The following AHR variants were observed in gnomAD, a reference collection of about 807,000 sequenced individuals.
The protein encoded by AHR is aryl hydrocarbon receptor, also known as AH-receptor.
Under a neutral mutation model 86.8 loss-of-function variants are expected in AHR, and 40 were observed. The ratio of observed to expected loss-of-function variants is 0.46; its 90% confidence interval spans 0.36 to 0.60. The LOEUF (loss-of-function observed/expected upper bound fraction) is 0.60. AHR is among the 20% of genes least tolerant of loss of function. AHR has a pLI of 0.00. For synonymous variants in AHR, 398 were observed against 354.9 expected (o/e 1.12, Z -1.37); for missense variants, 1,001 against 1,011.6 (o/e 0.99, Z 0.14).
At chr7:17,335,857 A>C in intron 9 of AHR, 71 bp downstream of exon 9, 1 of 1,469,146 alleles carries the variant, frequency 6.8e-7, no homozygotes, top group Non-Finnish European at 9.3e-7. Context: ...AAGCATAAAA[A>C]TAATTCAAGC....
At chr7:17,308,365 G>C (rs1782026801) in intron 1 of AHR, among the ~76,000 whole-genome samples, 1 of 152,050 alleles carries the variant, frequency 6.6e-6, no homozygotes, top group Non-Finnish European at 1.5e-5. Context: ...TTTTCAAGCA[G>C]TTGCTGCTTC....
chr7:17,339,576 A>G lies in AHR; in HGVS notation c.1751A>G (p.Tyr584Cys). Reference sequence around the variant, plus strand: ...GACTTAACGGATGAAATCCTGACGTATGTCCAAGATTCTTTAAGTAAGTCT... The same window carrying G: ...GACTTAACGGATGAAATCCTGACGTGTGTCCAAGATTCTTTAAGTAAGTCT... ...DIDLTDEILTYVQDSLSKSPF... is the reference protein window; with the variant it reads ...DIDLTDEILTCVQDSLSKSPF... The change falls in exon 10 of 11, where the codon TAT becomes TGT. Residue 584 changes from tyrosine (Y) to cysteine (C), a missense_variant. Tyr to Cys is a radical substitution (Grantham distance 194). Coordinates refer to ENST00000242057, the MANE Select transcript of AHR (RefSeq NM_001621.5). The G allele has an allele frequency of 6.2e-7, 1 of 1,614,194 alleles. No individual in the cohort carries two copies. Among genetic ancestry groups the G allele is most frequent in the Non-Finnish European group, 8.5e-7 (1 of 1,180,044 alleles).
At chr7:17,313,804 A>T (rs1399069451) in intron 2 of AHR, among the ~76,000 whole-genome samples, 1 of 152,184 alleles carries the variant, frequency 6.6e-6, no homozygotes, top group Non-Finnish European at 1.5e-5. Context: ...CAATGGTTAC[A>T]ATCAATAATA....
intron 2 of AHR, among the ~76,000 whole-genome samples, chr7:17,313,592 A>G (rs1782087806): frequency 6.6e-6 from 1 of 152,180 alleles, no homozygotes; most frequent in East Asian, 1.9e-4. Context: ...CTGAAAAGCA[A>G]CACTATAAAG....
intron 3 of AHR, among the ~76,000 whole-genome samples, chr7:17,323,382 T>C (rs964643836): frequency 6.6e-6 from 1 of 152,166 alleles, no homozygotes; most frequent in Non-Finnish European, 1.5e-5. Context: ...CTAAAGATTT[T>C]CTCAACAACT....
In AHR at chr7:17,312,784, T is replaced by C. The variant is rs1233921800; in HGVS notation, c.253+2661T>C. Among the ~76,000 whole-genome samples the C allele has an allele frequency of 8.5e-5, 13 of 152,354 alleles. No individual in the cohort carries two copies. In the East Asian group the frequency reaches 2.1e-3, roughly 25 times the overall value. ...TATCATTATCTTTAACGTTAGATTCTTTTCAAACTGCATTGTGCATAAGAA... is the reference window on the plus strand; with the variant it reads ...TATCATTATCTTTAACGTTAGATTCCTTTCAAACTGCATTGTGCATAAGAA... On this transcript the variant is annotated intron_variant, in intron 2 of 10. Transcript: ENST00000242057.
chr7:17,308,312 C>T (rs1287440827), intron 1 of AHR, among the ~76,000 whole-genome samples: 6 of 152,112 alleles, frequency 3.9e-5, no homozygotes, highest in Non-Finnish European at 8.8e-5. Flanking sequence ...TCCTGTCCCT[C>T]ACTCAAGATC....
intron 6 of AHR, among the ~76,000 whole-genome samples, chr7:17,333,532 A>G (rs931458617): frequency 2.0e-5 from 3 of 151,982 alleles, no homozygotes; most frequent in Non-Finnish European, 4.4e-5. Flanking sequence ...TAGTTCATGT[A>G]TGCTTGAAAA....
chr7:17,314,027 AT>A (rs1782092132), intron 2 of AHR, among the ~76,000 whole-genome samples: 1 of 152,032 alleles, frequency 6.6e-6, no homozygotes, highest in African/African-American at 2.4e-5. Flanking sequence ...TTTCCTTACT[AT>A]TTTTTGAAAT....
At position 17,339,893 on chromosome 7, in the gene AHR, G is replaced by C; in HGVS notation, c.2068G>C (p.Glu690Gln). The C allele has an allele frequency of 1.2e-6, 2 of 1,614,150 alleles. No homozygotes were observed. The highest frequency in any genetic ancestry group is 1.7e-6 in the Non-Finnish European group (2 of 1,180,020). The stretch of plus-strand genomic sequence containing the variant: ...CAGTCAAGAGTTCCCCTACAAATCT[G>C]AAATGGATTCTATGCCTTATACACA... ...GISQEFPYKS[E>Q]MDSMPYTQNF... The change falls in exon 10 of 11, where the codon GAA becomes CAA. Residue 690 changes from glutamate to glutamine, a missense_variant. Physicochemically the swap from Glu to Gln is conservative, Grantham distance 29. Transcript: ENST00000242057.
chr7:17,341,549 T>C (rs188254959), intron 10 of AHR, among the ~76,000 whole-genome samples: 151 of 152,316 alleles, frequency 9.9e-4, no homozygotes, highest in Middle Eastern at 3.4e-3. Context: ...GTACATGTTA[T>C]TGAGCTAAGA....
intron 2 of AHR, among the ~76,000 whole-genome samples, chr7:17,317,579 T>C (rs964793081): frequency 9.9e-5 from 15 of 152,270 alleles, no homozygotes; most frequent in African/African-American, 3.4e-4. Context: ...ACGTGAGTTA[T>C]TTCCTAAATC....
At chr7:17,336,326 G>GTATTTTGAT (rs768603323) in intron 9 of AHR, among the ~76,000 whole-genome samples, 96 of 152,182 alleles carry the variant, frequency 6.3e-4, no homozygotes, top group Middle Eastern at 3.4e-3. Flanking sequence ...CGGCTGCGCT[G>GTATTTTGAT]TATTTTGATC....
In AHR at chr7:17,299,181, G is replaced by A; in HGVS notation, c.-84G>A. 2 of 1,442,410 alleles carry A rather than the reference G, an allele frequency of 1.4e-6. No homozygotes were observed. The highest frequency in any genetic ancestry group is 1.4e-5 in the South Asian group (1 of 73,678). 89.4% of individuals were successfully genotyped at this position (1,442,410 alleles called of 1,614,324 possible). ...GGCTTCGCGGAACCCGGCGCCGGCCGCCGCAGTGGTCCCAGCCTACACCGG... is the reference window on the plus strand; with the variant it reads ...GGCTTCGCGGAACCCGGCGCCGGCCACCGCAGTGGTCCCAGCCTACACCGG... On this transcript the variant is annotated 5_prime_UTR_variant, in exon 1 of 11. Transcript: ENST00000242057.
chr7:17,299,487 C>T (rs1781932038), intron 1 of AHR, 158 bp downstream of exon 1: 8 of 788,686 alleles, frequency 1.0e-5, no homozygotes, highest in East Asian at 2.9e-5. Context: ...GGCTGGGAGA[C>T]AGAGGACTTG....
chr7:17,333,702 C>T (rs112224446), intron 6 of AHR, among the ~76,000 whole-genome samples: 1 of 151,612 alleles, frequency 6.6e-6, no homozygotes, highest in African/African-American at 2.4e-5. Flanking sequence ...TTCACTTATC[C>T]CTTTAGAATA....
chr7:17,333,458 T>C (rs1006912172), intron 6 of AHR, among the ~76,000 whole-genome samples: 2 of 152,034 alleles, frequency 1.3e-5, no homozygotes, highest in Non-Finnish European at 1.5e-5. Context: ...AGTGTCTTAA[T>C]AAAATTATAT....
At chr7:17,335,119 C>T (rs904228566) in intron 8 of AHR, 123 bp downstream of exon 8, 7 of 600,456 alleles carry the variant, frequency 1.2e-5, no homozygotes, top group South Asian at 2.7e-5. Flanking sequence ...TACTTAGTAA[C>T]ATATCATTAT....
chr7:17,333,198 C>T (rs1782318801), intron 6 of AHR, among the ~76,000 whole-genome samples: 1 of 151,816 alleles, frequency 6.6e-6, no homozygotes, highest in East Asian at 1.9e-4. Context: ...AGAACATGCC[C>T]CTTTTGTTAA....
Sources: gnomAD v4.1 joint callset for allele counts (sites outside exome capture counted in the v4.1 genomes callset) on GRCh38, gnomAD v4.1.1 for gene constraint, MANE v1.5 for transcripts, NCBI Gene and HGNC (gene_info 2026-07-23, HGNC 2026-07-21) for gene names.